The following NLRP3 variants were observed in gnomAD, a reference collection of about 807,000 sequenced individuals.
NLRP3 encodes NLR family pyrin domain containing 3, also known as NACHT, LRR and PYD domains-containing protein 3.
Under a neutral mutation model 91.3 loss-of-function variants are expected in NLRP3, and 48 were observed. That is an observed-to-expected ratio of 0.53 (90% CI 0.42 to 0.67). The LOEUF (loss-of-function observed/expected upper bound fraction) is 0.67, where lower values mean the gene tolerates loss of function less well. Ranked by LOEUF, NLRP3 falls within the 30% of genes least tolerant of loss-of-function variation. The probability of loss-of-function intolerance (pLI) is 0.00; values close to 1 mark genes in which losing one functional copy is unlikely to be tolerated. For synonymous variants in NLRP3, 561 were observed against 507.9 expected (o/e 1.10, Z -1.41); for missense variants, 982 against 1,276.9 (o/e 0.77, Z 3.52).
At chr1:247,434,734 A>C (rs1663662577) in intron 6 of NLRP3, among the ~76,000 whole-genome samples, 1 of 152,204 alleles carries the variant, frequency 6.6e-6, no homozygotes, top group Non-Finnish European at 1.5e-5. Context: ...TGGAAGGGCC[A>C]TTTCTCACCC....
intron 7 of NLRP3, among the ~76,000 whole-genome samples, chr1:247,442,753 C>T (rs896594073): frequency 6.6e-6 from 1 of 152,052 alleles, no homozygotes; most frequent in Non-Finnish European, 1.5e-5. Context: ...CCTTCCTTGC[C>T]AGGTTGATAT....
At position 247,423,391 on chromosome 1, in the gene NLRP3, T is replaced by C. The variant is rs199475730; in HGVS notation, c.397+42T>C. ...GTGCTTCTAGTTGAGTTTTAAGACC[T>C]GGTTCAGGAGGCTCTGGGAAGCTGA... On this transcript the variant is annotated intron_variant, in intron 3 of 9. Coordinates refer to ENST00000336119, the MANE Select transcript of NLRP3 (RefSeq NM_001243133.2). 1.2e-6 allele frequency: 2 copies of C among 1,612,430 alleles called. No individual in the cohort carries two copies. The highest frequency in any genetic ancestry group is 2.7e-5 in the African/African-American group (2 of 74,978).
intron 2 of NLRP3, among the ~76,000 whole-genome samples, chr1:247,421,590 G>T (rs780381215): frequency 2.0e-5 from 3 of 152,164 alleles, no homozygotes; most frequent in Non-Finnish European, 4.4e-5. Flanking sequence ...AGAAACCCAT[G>T]AAACAGCTTC....
At chr1:247,432,365 T>C (rs1332536507) in intron 5 of NLRP3, among the ~76,000 whole-genome samples, 1 of 152,060 alleles carries the variant, frequency 6.6e-6, no homozygotes, top group African/African-American at 2.4e-5. Flanking sequence ...ACTCTGTTTC[T>C]GAGTTGTTTC....
intron 8 of NLRP3, 123 bp downstream of exon 8, chr1:247,444,265 C>T: frequency 1.9e-6 from 2 of 1,042,904 alleles, no homozygotes; most frequent in Non-Finnish European, 3.0e-6. Context: ...TAGTGTTTGC[C>T]TTGTTACAGG....
In NLRP3 at chr1:247,419,089, G is replaced by C; in HGVS notation, c.277+12G>C. The C allele has an allele frequency of 6.2e-7, 1 of 1,604,726 alleles. No homozygotes were observed. Among genetic ancestry groups the C allele is most frequent in the Non-Finnish European group, 8.5e-7 (1 of 1,179,294 alleles). On this transcript the variant is annotated intron_variant, in intron 2 of 9. Coordinates refer to ENST00000336119, the MANE Select transcript of NLRP3 (RefSeq NM_001243133.2). ...TGAGCCGAAGTGGGGTGAGTGGAAG[G>C]AAGACTTTTAAAAAAAATTGTGGCC...
intron 2 of NLRP3, among the ~76,000 whole-genome samples, chr1:247,421,942 T>C (rs10802497): frequency 0.33 from 50,302 of 151,786 alleles, 10,170 homozygotes; most frequent in East Asian, 0.47. Flanking sequence ...CAGGCTGGAG[T>C]GAGCTATGAC....
Position 247,429,770 on chromosome 1 carries a change from A to G in NLRP3, c.2321+15A>G, listed in dbSNP as rs201382793. On this transcript the variant is annotated intron_variant, in intron 5 of 9. Coordinates refer to ENST00000336119, the MANE Select transcript of NLRP3 (RefSeq NM_001243133.2). ...CGGAGATTGTGGTGAGTCCCCGTGC[A>G]TGTGATCTGTGTGAGTGCAAGTTCA... 41 of 1,612,912 alleles carry G rather than the reference A, an allele frequency of 2.5e-5. No individual in the cohort carries two copies. The highest frequency in any genetic ancestry group is 3.4e-5 in the Non-Finnish European group (40 of 1,179,896).
intron 5 of NLRP3, 21 bp downstream of exon 5, chr1:247,429,776 TC>T (rs1475650388): frequency 6.2e-7 from 1 of 1,612,568 alleles, no homozygotes; most frequent in African/African-American, 1.3e-5. Flanking sequence ...GTGCATGTGA[TC>T]TGTGTGAGTG....
chr1:247,419,007 C>G lies in NLRP3; in HGVS notation c.207C>G (p.Ala69=). Residue 69 remains alanine (A), a synonymous_variant, in exon 2 of 10, where the codon GCC becomes GCG. Transcript: ENST00000336119. ...FNGEEKAWAM[A]VWIFAAINRR... ...GGGAGGAGAAGGCGTGGGCCATGGC[C>G]GTGTGGATCTTCGCTGCGATCAACA... 3 of 1,613,838 alleles carry G rather than the reference C, an allele frequency of 1.9e-6. No homozygotes were observed. The highest frequency in any genetic ancestry group is 2.5e-6 in the Non-Finnish European group (3 of 1,180,018).
Position 247,444,025 on chromosome 1 carries a change from T to G in NLRP3, c.2717T>G (p.Leu906Arg). The change falls in exon 8 of 10, where the codon CTC becomes CGC. Residue 906 changes from leucine (L) to arginine (R), a missense_variant. Leu to Arg is a moderately radical substitution (Grantham distance 102, BLOSUM62 -2). Around this residue, in one of 5 missense-constraint regions of NLRP3, gnomAD observed 373 missense variants for 431.5 expected, o/e 0.86. Coordinates refer to ENST00000336119, the MANE Select transcript of NLRP3 (RefSeq NM_001243133.2). ...SVCCSALSSVLSTNQNLTHLY... is the reference protein window; with the variant it reads ...SVCCSALSSVRSTNQNLTHLY... The stretch of plus-strand genomic sequence containing the variant: ...TGTTGTTCAGCTTTGTCCTCGGTAC[T>G]CAGCACTAATCAGAATCTCACGCAC... 6.2e-7 allele frequency: 1 copy of G among 1,614,162 alleles called. No homozygotes were observed. Among genetic ancestry groups the G allele is most frequent in the Non-Finnish European group, 8.5e-7 (1 of 1,180,030 alleles).
At chr1:247,431,266 C>A (rs1454964314) in intron 5 of NLRP3, among the ~76,000 whole-genome samples, 1 of 152,204 alleles carries the variant, frequency 6.6e-6, no homozygotes. Flanking sequence ...CCCCACCGCG[C>A]TGGTGCCTGG....
In NLRP3 at chr1:247,438,572, C is replaced by T. The variant is rs60408255; in HGVS notation, c.2663+2432C>T. ...CTAATTTTTGTATTTTTAGTAGATA[C>T]GGGGTTTCACCATGTTTGCCAGGCT... On this transcript the variant is annotated intron_variant, in intron 7 of 9. Transcript: ENST00000336119. Among the ~76,000 whole-genome samples the T allele has an allele frequency of 4.9e-4, 74 of 152,080 alleles. No individual in the cohort carries two copies. The East Asian group carries it at 0.013, about 27-fold the overall frequency.
chr1:247,425,669 C>A lies in NLRP3; in HGVS notation c.2150+70C>A. On this transcript the variant is annotated intron_variant, in intron 4 of 9. Coordinates refer to ENST00000336119, the MANE Select transcript of NLRP3 (RefSeq NM_001243133.2). The surrounding 1 kb of genome is among the most constrained non-coding windows in gnomAD (Gnocchi z 4.1). ...AGCTTCTTCTTGGCGCTTGCCTCCT[C>A]TCATCTCTTTTCAACTATCTTCCAA... 1 of 1,429,168 alleles carries A rather than the reference C, an allele frequency of 7.0e-7. No homozygotes were observed. Among genetic ancestry groups the A allele is most frequent in the Non-Finnish European group, 9.7e-7 (1 of 1,028,460 alleles). The allele number at this position is 1,429,168 out of a possible 1,614,324, so 88.5% of individuals were successfully genotyped here. A position where few individuals can be genotyped will look rare whatever the true frequency, so the allele number is the denominator to read the frequency against.
At chr1:247,434,491 C>CAA (rs1196565938) in intron 6 of NLRP3, among the ~76,000 whole-genome samples, 1 of 152,136 alleles carries the variant, frequency 6.6e-6, no homozygotes, top group Non-Finnish European at 1.5e-5. Flanking sequence ...TAAATAATAA[C>CAA]AAAAAGAAGA....
At chr1:247,438,559 T>A (rs1475749110) in intron 7 of NLRP3, among the ~76,000 whole-genome samples, 2 of 152,150 alleles carry the variant, frequency 1.3e-5, no homozygotes, top group Non-Finnish European at 2.9e-5. Flanking sequence ...AATTTTTGTA[T>A]TTTTAGTAGA....
At position 247,424,295 on chromosome 1, in the gene NLRP3, C is replaced by G; in HGVS notation, c.846C>G (p.Asn282Lys). The G allele has an allele frequency of 3.6e-6, 5 of 1,406,556 alleles. No homozygotes were observed. The highest frequency in any genetic ancestry group is 4.9e-6 in the Non-Finnish European group (5 of 1,014,852). 87.1% of individuals were successfully genotyped at this position (1,406,556 alleles called of 1,614,324 possible). ...TCATGAGCTGCTGCCCCGACCCAAACCCACCCATCCACAAGATCGTGAGAA... is the reference window on the plus strand; with the variant it reads ...TCATGAGCTGCTGCCCCGACCCAAAGCCACCCATCCACAAGATCGTGAGAA... Reference protein sequence around the residue: ...DLIMSCCPDPNPPIHKIVRKP... With the variant: ...DLIMSCCPDPKPPIHKIVRKP... The change falls in exon 4 of 10, where the codon AAC becomes AAG. Residue 282 changes from asparagine to lysine, a missense_variant. By Grantham distance (94) the Asn-to-Lys change is moderately conservative. Around this residue, in one of 5 missense-constraint regions of NLRP3, gnomAD observed 548 missense variants for 713.7 expected, o/e 0.77. Coordinates refer to ENST00000336119, the MANE Select transcript of NLRP3 (RefSeq NM_001243133.2). The surrounding 1 kb of genome is among the most constrained non-coding windows in gnomAD (Gnocchi z 8.1).
At chr1:247,441,151 CTCTCTCTCTT>C in intron 7 of NLRP3, among the ~76,000 whole-genome samples, 5 of 149,216 alleles carry the variant, frequency 3.4e-5, no homozygotes, top group African/African-American at 1.2e-4. Flanking sequence ...TTCTTTCTCT[CTCTCTCTCTT>C]TCTTTCTTTC....
rs201758466 is a variant in NLRP3, at chr1:247,418,733, C to T, written c.-68C>T. ...CTTTAAAAAAGACTCATCCGTGTGCCGTGTTCACTGCCTGGTATCTTAGTG... is the reference window on the plus strand; with the variant it reads ...CTTTAAAAAAGACTCATCCGTGTGCTGTGTTCACTGCCTGGTATCTTAGTG... On this transcript the variant is annotated 5_prime_UTR_variant, in exon 2 of 10. Coordinates refer to ENST00000336119, the MANE Select transcript of NLRP3 (RefSeq NM_001243133.2). 2.6e-4 allele frequency: 418 copies of T among 1,582,872 alleles called. No individual in the cohort carries two copies. The highest frequency in any genetic ancestry group is 4.5e-4 in the Middle Eastern group (2 of 4,480).
Sources: gnomAD v4.1 joint callset for allele counts (sites outside exome capture counted in the v4.1 genomes callset) on GRCh38, gnomAD v4.1.1 for gene constraint, gnomAD v4.1.1 regional missense constraint, Gnocchi (gnomAD v3.1) non-coding constraint, MANE v1.5 for transcripts, NCBI Gene and HGNC (gene_info 2026-07-23, HGNC 2026-07-21) for gene names.